HAT1: variants seen among roughly 807,000 people sequenced by gnomAD.
HAT1 encodes histone acetyltransferase type B catalytic subunit.
Under a neutral mutation model 56.6 loss-of-function variants are expected in HAT1, and 20 were observed. The ratio of observed to expected loss-of-function variants is 0.35; its 90% CI spans 0.25 to 0.51. HAT1 has a LOEUF of 0.51. Ranked by LOEUF, HAT1 falls within the 20% of genes least tolerant of loss-of-function variation. The pLI is 0.95. For synonymous variants in HAT1, 146 were observed against 165.5 expected, an observed-to-expected ratio of 0.88 and a Z score of 0.91; for missense variants, 408 against 504.3, an observed-to-expected ratio of 0.81 and a Z score of 1.83.
intron 4 of HAT1, among the ~76,000 whole-genome samples, chr2:171,961,212 G>GA (rs1687566515): frequency 6.6e-6 from 1 of 152,164 alleles, no homozygotes. Context: ...GGCTGAGACA[G>GA]AAGGATCTCT....
chr2:171,925,111 C>T (rs1456672819), intron 1 of HAT1, among the ~76,000 whole-genome samples: 3 of 130,638 alleles, frequency 2.3e-5, no homozygotes, highest in Non-Finnish European at 4.7e-5. Context: ...CTTGCTCTGT[C>T]GCCCAGGCTA....
At chr2:171,930,647 C>T (rs942888467) in intron 2 of HAT1, among the ~76,000 whole-genome samples, 1 of 152,190 alleles carries the variant, frequency 6.6e-6, no homozygotes, top group African/African-American at 2.4e-5. Context: ...GAGTGGCTCA[C>T]TCCATTGCCA....
chr2:171,965,676 A>T, intron 5 of HAT1, 111 bp from the exon 6 acceptor site: 1 of 1,120,416 alleles, frequency 8.9e-7, no homozygotes, highest in South Asian at 1.5e-5. Flanking sequence ...CTATGTTCAC[A>T]TCTTAATCTG....
intron 2 of HAT1, among the ~76,000 whole-genome samples, chr2:171,930,276 A>T (rs1686707147): frequency 6.6e-6 from 1 of 152,044 alleles, no homozygotes; most frequent in African/African-American, 2.4e-5. Context: ...AGCTCAAGTG[A>T]TCCTCTTACC....
Position 171,941,823 on chromosome 2 carries a change from T to G in HAT1, c.113-4885T>G, listed in dbSNP as rs561082801. On this transcript the variant is annotated intron_variant, in intron 2 of 10. Transcript: ENST00000264108. ...CCGATACATGGTGTTTGGGGGCCCCTCCTATAGAGCAATAAGGTGCCATTT... is the reference window on the plus strand; with the variant it reads ...CCGATACATGGTGTTTGGGGGCCCCGCCTATAGAGCAATAAGGTGCCATTT... Among the ~76,000 whole-genome samples the G allele has an allele frequency of 1.4e-4, 22 of 152,298 alleles. 1 individual carries two copies. In the South Asian group the frequency reaches 4.4e-3, roughly 30 times the overall value.
At chr2:171,939,747 A>T (rs112002209) in intron 2 of HAT1, among the ~76,000 whole-genome samples, 2 of 151,760 alleles carry the variant, frequency 1.3e-5, no homozygotes, top group African/African-American at 4.8e-5. Flanking sequence ...GCATTACTCA[A>T]TGGATGAAAT....
At chr2:171,935,515 C>CA (rs56220004) in intron 2 of HAT1, among the ~76,000 whole-genome samples, 3,299 of 55,442 alleles carry the variant, frequency 0.06, 133 homozygotes, top group African/African-American at 0.094. Flanking sequence ...AACTCCATCT[C>CA]AAAAAAAAAA....
chr2:171,926,019 A>G (rs1686580742), intron 2 of HAT1, among the ~76,000 whole-genome samples: 1 of 152,144 alleles, frequency 6.6e-6, no homozygotes. Context: ...TGATATAACT[A>G]TTTTGGAAAA....
chr2:171,958,029 AC>A (rs1687487539), intron 4 of HAT1, among the ~76,000 whole-genome samples: 2 of 152,176 alleles, frequency 1.3e-5, no homozygotes, highest in Admixed American at 1.3e-4. Context: ...TTAACTGTTG[AC>A]TTTACCTCTT....
chr2:171,955,716 AATAT>A (rs979486016), intron 4 of HAT1, among the ~76,000 whole-genome samples: 4 of 151,982 alleles, frequency 2.6e-5, no homozygotes, highest in African/African-American at 7.3e-5. Context: ...CATCTTAGAG[AATAT>A]ATATATAGTC....
chr2:171,968,078 G>C (rs1482656054), intron 8 of HAT1, among the ~76,000 whole-genome samples: 1 of 152,002 alleles, frequency 6.6e-6, no homozygotes, highest in Non-Finnish European at 1.5e-5. Flanking sequence ...GTCTTTAAAA[G>C]GGAGTTTCAC....
chr2:171,936,247 T>C (rs1331692150), intron 2 of HAT1, among the ~76,000 whole-genome samples: 4 of 152,130 alleles, frequency 2.6e-5, no homozygotes, highest in Non-Finnish European at 5.9e-5. Context: ...ATTCTTAGTG[T>C]GTGGGGAGAG....
chr2:171,982,931 CAT>C (rs1322363990), intron 10 of HAT1, among the ~76,000 whole-genome samples: 3 of 152,042 alleles, frequency 2.0e-5, no homozygotes, highest in Non-Finnish European at 4.4e-5. Context: ...CTGCTAGTCA[CAT>C]GTCTGTATTT....
At chr2:171,970,764 G>A (rs1406322738) in intron 8 of HAT1, among the ~76,000 whole-genome samples, 1 of 150,076 alleles carries the variant, frequency 6.7e-6, no homozygotes, top group Admixed American at 6.6e-5. Context: ...GTGACCCTCC[G>A]GCCTCGGCCT....
At chr2:171,977,547 ATATATATATATT>A (rs1688012020) in intron 9 of HAT1, among the ~76,000 whole-genome samples, 1 of 14,338 alleles carries the variant, frequency 7.0e-5, no homozygotes, top group African/African-American at 3.2e-4. Flanking sequence ...ATATATATAT[ATATATATATATT>A]TTTTTTTTTT....
At chr2:171,950,275 G>C (rs1304290448) in intron 3 of HAT1, among the ~76,000 whole-genome samples, 1 of 151,584 alleles carries the variant, frequency 6.6e-6, no homozygotes, top group Non-Finnish European at 1.5e-5. Flanking sequence ...CCCAGTTCAA[G>C]CGATTCTCAT....
At chr2:171,943,935 C>G (rs1018142302) in intron 2 of HAT1, among the ~76,000 whole-genome samples, 10 of 151,866 alleles carry the variant, frequency 6.6e-5, no homozygotes, top group African/African-American at 2.4e-4. Flanking sequence ...ATGGCTTGAG[C>G]CCAGAAATTG....
In HAT1 at chr2:171,966,439, G is replaced by A. The variant is rs750605255; in HGVS notation, c.642G>A (p.Thr214=). The A allele has an allele frequency of 5.6e-6, 9 of 1,597,628 alleles. No individual in the cohort carries two copies. The highest frequency in any genetic ancestry group is 1.3e-5 in the African/African-American group (1 of 74,614). The change falls in exon 7 of 11, where the codon ACG becomes ACA. Residue 214 remains threonine (T), a synonymous_variant. Coordinates refer to ENST00000264108, the MANE Select transcript of HAT1 (RefSeq NM_003642.4). ...AGAAGTATAATAAGGATGGAGCTAC[G>A]CTCTTTGCGACCGTAGGCTACATGA... The part of the protein sequence containing the change: ...VFEKYNKDGA[T]LFATVGYMTV...
At position 171,983,454 on chromosome 2, in the gene HAT1, A is replaced by G. The variant is rs1367011655; in HGVS notation, c.*102A>G. 1 of 546,036 alleles carries G rather than the reference A, an allele frequency of 1.8e-6. No individual in the cohort carries two copies. Among genetic ancestry groups the G allele is most frequent in the Non-Finnish European group, 3.2e-6 (1 of 313,208 alleles). 33.8% of individuals were successfully genotyped at this position (546,036 alleles called of 1,614,324 possible). ...TAAAATCTTGTGACATTTTGCTTAT[A>G]CTAAAAGTTATCTATCTTTAGTTGA... On this transcript the variant is annotated 3_prime_UTR_variant, in exon 11 of 11. Transcript: ENST00000264108.
Sources: allele counts gnomAD v4.1 joint callset (sites outside exome capture counted in the v4.1 genomes callset), GRCh38; gene constraint gnomAD v4.1.1; transcripts MANE v1.5; gene names NCBI Gene and HGNC (gene_info 2026-07-23, HGNC 2026-07-21).